MYO6: variants seen among roughly 807,000 people sequenced by gnomAD.
The protein encoded by MYO6 is unconventional myosin-VI.
In MYO6, 74 loss-of-function variants were observed where a neutral mutation model predicts 178.7. The observed-to-expected ratio is 0.41, with a 90% CI of 0.34 to 0.50. MYO6 has a LOEUF of 0.50. Ranked by LOEUF, MYO6 falls within the 20% of genes least tolerant of loss-of-function variation. MYO6 has a pLI of 0.09. For missense variants in MYO6, 1,330 were observed against 1,547.4 expected (o/e 0.86, Z 2.36); for synonymous variants, 477 against 504.6 (o/e 0.95, Z 0.73).
intron 1 of MYO6, among the ~76,000 whole-genome samples, chr6:75,756,906 TATATACAC>T (rs1460377583): frequency 3.5e-4 from 33 of 93,976 alleles, no homozygotes; most frequent in Non-Finnish European, 4.1e-4. Flanking sequence ...TATATATATA[TATATACAC>T]ATATATATAC....
At chr6:75,867,249 A>G (rs142271369) in intron 18 of MYO6, 144 bp downstream of exon 18, 107 of 668,966 alleles carry the variant, frequency 1.6e-4, no homozygotes, top group Middle Eastern at 8.3e-4. Flanking sequence ...TTTGTATGTA[A>G]AATATCATAA....
intron 1 of MYO6, among the ~76,000 whole-genome samples, chr6:75,811,141 T>C (rs1273692106): frequency 6.6e-6 from 1 of 152,180 alleles, no homozygotes; most frequent in Admixed American, 6.5e-5. Flanking sequence ...GGGCAGTTTT[T>C]CCATCAATAT....
rs2150278897 is a variant in MYO6, at chr6:75,848,370, T to C, written c.917T>C (p.Met306Thr). 15 of 1,613,758 alleles carry C rather than the reference T, an allele frequency of 9.3e-6. No homozygotes were observed. Among genetic ancestry groups the C allele is most frequent in the Non-Finnish European group, 1.2e-5 (14 of 1,179,730 alleles). The change falls in exon 11 of 35, where the codon ATG (methionine) becomes ACG (threonine). Residue 306 changes from methionine (M) to threonine (T), a missense_variant. This residue lies in a region of MYO6 where 613 missense variants were observed against 816.8 expected (regional missense o/e 0.75). Transcript: ENST00000369977. The stretch of plus-strand genomic sequence containing the variant: ...TTGTAGTACCTTAAGGCAGGTTCTA[T>C]GAAAGATCCTCTGCTAGATGACCAT... ...KSPEYLKAGSMKDPLLDDHGD... is the reference protein window; with the variant it reads ...KSPEYLKAGSTKDPLLDDHGD...
rs376699781 is a variant in MYO6, at chr6:75,797,554, G to C, written c.-47-19947G>C. Among the ~76,000 whole-genome samples the C allele has an allele frequency of 3.3e-5, 5 of 151,382 alleles. No homozygotes were observed. The East Asian group carries it at 7.8e-4, about 23-fold the overall frequency. On this transcript the variant is annotated intron_variant, in intron 1 of 34. Coordinates refer to ENST00000369977, the MANE Select transcript of MYO6 (RefSeq NM_004999.4). ...TTTTTTAGTTTTTATTTTTTTTTGA[G>C]ACTAAGTCTCACTCTGTTGCCCAGG...
chr6:75,845,387 C>T (rs538774563), intron 10 of MYO6, among the ~76,000 whole-genome samples: 7 of 152,196 alleles, frequency 4.6e-5, no homozygotes, highest in Middle Eastern at 3.4e-3. Context: ...ATAGATTAAG[C>T]GTTCTTGGGA....
intron 32 of MYO6, among the ~76,000 whole-genome samples, chr6:75,909,700 C>T (rs1010952807): frequency 7.9e-5 from 12 of 152,118 alleles, no homozygotes; most frequent in African/African-American, 2.2e-4. Flanking sequence ...ACAATTTATT[C>T]GCTTAATTCT....
At chr6:75,854,011 G>C (rs562951096) in intron 11 of MYO6, among the ~76,000 whole-genome samples, 27 of 152,232 alleles carry the variant, frequency 1.8e-4, no homozygotes, top group African/African-American at 6.5e-4. Context: ...CACATAGCTA[G>C]TAGTTGTAGA....
Position 75,898,373 on chromosome 6 carries a change from G to A in MYO6, c.3138G>A (p.Pro1046=). ...RNDGTRPKMT[P]EQMAKEMSEF... is the part of the protein sequence containing the mutation. ...TATTGTATTATCGTTTTTCTTGTAGGGAACAAATGGCCAAAGAAATGTCAG... is the reference window on the plus strand; with the variant it reads ...TATTGTATTATCGTTTTTCTTGTAGAGAACAAATGGCCAAAGAAATGTCAG... The change falls in exon 30 of 35, where the codon CCG becomes CCA. Residue 1046 remains proline, a splice_region_variant and synonymous_variant. Transcript: ENST00000369977. 13 of 1,606,064 alleles carry A rather than the reference G, an allele frequency of 8.1e-6. No homozygotes were observed. The highest frequency in any genetic ancestry group is 1.1e-5 in the Non-Finnish European group (13 of 1,172,972).
In MYO6 at chr6:75,832,867, G is replaced by A; in HGVS notation, c.417G>A (p.Lys139=). Residue 139 remains lysine, a synonymous_variant, in exon 6 of 35, where the codon AAG becomes AAA. Transcript: ENST00000369977. ...AIADKAFRDM[K]VLKMSQSIIV... ...CTGATAAAGCTTTTCGAGACATGAA[G>A]GTGCTCAAGATGAGTCAGTCTATCA... The A allele has an allele frequency of 6.2e-7, 1 of 1,613,740 alleles. No individual in the cohort carries two copies.
chr6:75,749,261 C>A lies in MYO6; in HGVS notation c.-210C>A, dbSNP rs989934120. The A allele has an allele frequency of 1.3e-5, 2 of 151,968 alleles. No homozygotes were observed. Among genetic ancestry groups the A allele is most frequent in the Admixed American group, 6.6e-5 (1 of 15,242 alleles). 9.4% of individuals were successfully genotyped at this position (151,968 alleles called of 1,614,324 possible). ...GGCGGAGACCGACTCGGGATCTGTCCGAGCAGGAAGCCAGCCTCAGCCCGG... is the reference window on the plus strand; with the variant it reads ...GGCGGAGACCGACTCGGGATCTGTCAGAGCAGGAAGCCAGCCTCAGCCCGG... On this transcript the variant is annotated 5_prime_UTR_variant, in exon 1 of 35. Transcript: ENST00000369977.
At chr6:75,808,596 T>C (rs1770343084) in intron 1 of MYO6, among the ~76,000 whole-genome samples, 1 of 152,132 alleles carries the variant, frequency 6.6e-6, no homozygotes, top group Non-Finnish European at 1.5e-5. Flanking sequence ...GTGGGAGAGA[T>C]GGGCCTCAAC....
At chr6:75,840,482 A>C in intron 7 of MYO6, 103 bp from the exon 8 acceptor site, 1 of 837,106 alleles carries the variant, frequency 1.2e-6, no homozygotes, top group Non-Finnish European at 2.0e-6. Flanking sequence ...TTTTTAGAAC[A>C]TTTTTTTCTA....
At chr6:75,867,186 C>A in intron 18 of MYO6, 81 bp downstream of exon 18, 1 of 1,173,222 alleles carries the variant, frequency 8.5e-7, no homozygotes, top group South Asian at 1.5e-5. Context: ...TAATGTAGAT[C>A]ACTGTCAGAA....
At chr6:75,800,381 G>A (rs185547351) in intron 1 of MYO6, among the ~76,000 whole-genome samples, 4 of 152,176 alleles carry the variant, frequency 2.6e-5, no homozygotes, top group African/African-American at 7.2e-5. Flanking sequence ...GTTACAAGTG[G>A]ATGTCCTTAA....
chr6:75,905,940 A>G (rs746753720), intron 30 of MYO6, among the ~76,000 whole-genome samples: 3 of 152,250 alleles, frequency 2.0e-5, no homozygotes, highest in Non-Finnish European at 4.4e-5. Context: ...TACTTCAGGA[A>G]GAAAGTGACA....
Position 75,890,861 on chromosome 6 carries a change from G to C in MYO6, c.2868-367G>C, listed in dbSNP as rs181037399. 3.2e-3 allele frequency among the ~76,000 whole-genome samples: 489 copies of C among 152,202 alleles called. 2 individuals are homozygous for C. The highest frequency in any genetic ancestry group is 4.3e-3 in the Non-Finnish European group (293 of 68,020). ...AGATAAATGACACTTCTACTTTTCT[G>C]CAGTTTTAAAACTGATAACATTTTG... is the stretch of plus-strand genomic sequence containing the variant. On this transcript the variant is annotated intron_variant, in intron 26 of 34. Transcript: ENST00000369977.
At chr6:75,771,271 G>A (rs1045885985) in intron 1 of MYO6, among the ~76,000 whole-genome samples, 1 of 152,124 alleles carries the variant, frequency 6.6e-6, no homozygotes, top group African/African-American at 2.4e-5. Flanking sequence ...CAAAGTGCTG[G>A]AACTACAGGC....
intron 30 of MYO6, among the ~76,000 whole-genome samples, chr6:75,906,450 CAGATCACT>C (rs1250712608): frequency 6.6e-6 from 1 of 151,958 alleles, no homozygotes; most frequent in Non-Finnish European, 1.5e-5. Context: ...CTGAGGTGGG[CAGATCACT>C]TGAGCTCAGG....
At chr6:75,854,967 CAG>C (rs1775612366) in intron 11 of MYO6, among the ~76,000 whole-genome samples, 170 bp from the exon 12 acceptor site, 3 of 152,098 alleles carry the variant, frequency 2.0e-5, no homozygotes, top group Non-Finnish European at 4.4e-5. Context: ...TTGATCTTAG[CAG>C]TACGGGTGTT....
Sources: gnomAD v4.1 joint callset for allele counts (sites outside exome capture counted in the v4.1 genomes callset) on GRCh38, gnomAD v4.1.1 for gene constraint, gnomAD v4.1.1 regional missense constraint, MANE v1.5 for transcripts, NCBI Gene and HGNC (gene_info 2026-07-23, HGNC 2026-07-21) for gene names.